Variants in KIAA1217 observed in about 807,000 individuals in gnomAD.
KIAA1217 encodes sickle tail protein homolog.
Under a neutral mutation model 163.9 loss-of-function variants are expected in KIAA1217, and 88 were observed. The ratio of observed to expected loss-of-function variants is 0.54; its 90% CI spans 0.45 to 0.64. The LOEUF is 0.64. Among genes scored for constraint, KIAA1217 ranks in the 30% least tolerant of loss-of-function variants. KIAA1217 has a pLI of 0.00. For synonymous variants in KIAA1217, 903 were observed against 923.1 expected, an observed-to-expected ratio of 0.98 and a Z score of 0.39; for missense variants, 2,372 against 2,475.0, an observed-to-expected ratio of 0.96 and a Z score of 0.88.
chr10:23,871,101 T>A (rs1054167238), intron 1 of KIAA1217, among the ~76,000 whole-genome samples: 3 of 151,928 alleles, frequency 2.0e-5, no homozygotes, highest in African/African-American at 7.2e-5. Flanking sequence ...CTCATAGGAA[T>A]GAATGTGAAA....
At chr10:24,518,353 ATAT>A (rs1408472193) in intron 10 of KIAA1217, among the ~76,000 whole-genome samples, 4 of 142,108 alleles carry the variant, frequency 2.8e-5, no homozygotes, top group Non-Finnish European at 6.2e-5. Flanking sequence ...CATAGAAGTG[ATAT>A]TGTTGTGTAC....
At chr10:23,934,611 A>G (rs1437572252) in intron 1 of KIAA1217, among the ~76,000 whole-genome samples, 1 of 71,148 alleles carries the variant, frequency 1.4e-5, no homozygotes, top group South Asian at 3.5e-4. Context: ...ATATATGTAT[A>G]TATATATATA....
intron 2 of KIAA1217, among the ~76,000 whole-genome samples, chr10:24,258,779 G>A (rs1005094913): frequency 1.3e-5 from 2 of 151,974 alleles, no homozygotes; most frequent in Non-Finnish European, 2.9e-5. Context: ...TTTTTTAGTA[G>A]AGACGGGGTT....
chr10:24,390,787 T>G (rs1433024783), intron 3 of KIAA1217, among the ~76,000 whole-genome samples: 1 of 152,204 alleles, frequency 6.6e-6, no homozygotes, highest in Admixed American at 6.5e-5. Context: ...TTCTTCAGTA[T>G]AGTGAAGCAT....
intron 1 of KIAA1217, among the ~76,000 whole-genome samples, chr10:23,928,858 G>A (rs1843136173): frequency 6.6e-6 from 1 of 152,202 alleles, no homozygotes; most frequent in Non-Finnish European, 1.5e-5. Context: ...CAAGGTGATA[G>A]CCACTCTGTG....
chr10:23,740,399 C>G (rs956253766), intron 1 of KIAA1217, among the ~76,000 whole-genome samples: 1 of 152,126 alleles, frequency 6.6e-6, no homozygotes, highest in Non-Finnish European at 1.5e-5. Flanking sequence ...CACTGTGTTG[C>G]CCAGGCTCGA....
intron 2 of KIAA1217, among the ~76,000 whole-genome samples, chr10:24,231,801 GTT>G (rs1203313894): frequency 2.1e-5 from 3 of 142,072 alleles, no homozygotes; most frequent in African/African-American, 2.6e-5. Context: ...TCACTCTTGG[GTT>G]TTTTTTTTTT....
At chr10:23,854,213 G>A (rs889868110) in intron 1 of KIAA1217, among the ~76,000 whole-genome samples, 2 of 151,982 alleles carry the variant, frequency 1.3e-5, no homozygotes, top group African/African-American at 4.8e-5. Flanking sequence ...GATATGTTGT[G>A]TCTTTGTTCT....
chr10:24,382,107 C>T (rs910119143), intron 3 of KIAA1217, among the ~76,000 whole-genome samples: 1 of 149,552 alleles, frequency 6.7e-6, no homozygotes, highest in Non-Finnish European at 1.5e-5. Context: ...ATGGACAAGT[C>T]GTGAGGATTT....
rs1045110462 is a variant in KIAA1217 at position 24,546,160 on chromosome 10, C to G, written c.5668C>G (p.Pro1890Ala). The change falls in exon 21 of 21, where the codon CCT becomes GCT. Residue 1890 changes from proline (P) to alanine (A), a missense_variant. By Grantham distance (27) the Pro-to-Ala change is conservative. Around this residue, in one of 3 missense-constraint regions of KIAA1217, gnomAD observed 690 missense variants for 677.5 expected, o/e 1.02. Transcript: ENST00000376454. ...GAGTCAAAATGGCCGAGCACCCCCT[C>G]CTTTGTCATTTTCCTCCTCCCCTCC... ...PQSQNGRAPP[P>A]LSFSSSPPSP... 1.2e-6 allele frequency: 2 copies of G among 1,614,192 alleles called. No homozygotes were observed. Among genetic ancestry groups the G allele is most frequent in the Non-Finnish European group, 8.5e-7 (1 of 1,180,034 alleles).
intron 1 of KIAA1217, among the ~76,000 whole-genome samples, chr10:23,858,513 G>A (rs1047108922): frequency 9.2e-5 from 14 of 151,590 alleles, no homozygotes; most frequent in Non-Finnish European, 1.8e-4. Flanking sequence ...CTTTAGAGCA[G>A]TTGTATACAC....
At chr10:24,007,701 G>A (rs954075189) in intron 2 of KIAA1217, among the ~76,000 whole-genome samples, 4 of 152,290 alleles carry the variant, frequency 2.6e-5, no homozygotes, top group Non-Finnish European at 5.9e-5. Context: ...AATGACTAAA[G>A]AATACGAAAA....
At chr10:24,330,099 A>G (rs542310751) in intron 2 of KIAA1217, among the ~76,000 whole-genome samples, 66 of 152,220 alleles carry the variant, frequency 4.3e-4, no homozygotes, top group African/African-American at 1.5e-3. Flanking sequence ...CAGGAGTTGG[A>G]GACCAGCCTG....
intron 2 of KIAA1217, among the ~76,000 whole-genome samples, chr10:24,264,916 A>G (rs1203757881): frequency 6.6e-6 from 1 of 151,492 alleles, no homozygotes; most frequent in African/African-American, 2.4e-5. Context: ...CAATGGCACA[A>G]TCCTAGCTCA....
At chr10:24,209,119 G>A (rs2067746403), upstream of KIAA1217, 1 of 1,372,602 alleles carries the variant, frequency 7.3e-7, no homozygotes, top group Admixed American at 1.7e-5. Flanking sequence ...CCCCTCCCAG[G>A]CGCTTTCTGG....
chr10:24,519,372 C>T (rs937984748), intron 10 of KIAA1217, among the ~76,000 whole-genome samples: 1 of 152,170 alleles, frequency 6.6e-6, no homozygotes, highest in South Asian at 2.1e-4. Flanking sequence ...TCCACAGACA[C>T]CACGTCTGTC....
chr10:24,458,534 GACCTCCAC>G (rs1806728630), intron 5 of KIAA1217, among the ~76,000 whole-genome samples: 1 of 152,090 alleles, frequency 6.6e-6, no homozygotes, highest in Admixed American at 6.6e-5. Context: ...TCAAAGGTCA[GACCTCCAC>G]ACTGATTTCT....
In KIAA1217 at chr10:23,834,950, A is replaced by G. The variant is rs1838379213; in HGVS notation, c.-321+139716A>G. Among the ~76,000 whole-genome samples, 6 of 152,172 alleles carry G rather than the reference A, an allele frequency of 3.9e-5. No individual in the cohort carries two copies. In the South Asian group the frequency reaches 1.2e-3, roughly 32 times the overall value. On this transcript the variant is annotated intron_variant, in intron 1 of 18. Coordinates refer to the KIAA1217 transcript ENST00000376462. ...ACTGTTTTGTAAGTAGTCACTTGAA[A>G]TGACTATCAAATATCCAAGTGGAGA... is the stretch of plus-strand genomic sequence containing the variant.
chr10:24,403,811 C>T (rs1196775017), intron 3 of KIAA1217, among the ~76,000 whole-genome samples: 2 of 152,066 alleles, frequency 1.3e-5, no homozygotes, highest in Admixed American at 6.5e-5. Flanking sequence ...GGTAGCACTA[C>T]CCATGCATCA....
Sources: allele counts gnomAD v4.1 joint callset (sites outside exome capture counted in the v4.1 genomes callset), GRCh38; gene constraint gnomAD v4.1.1; regional missense constraint gnomAD v4.1.1; transcripts MANE v1.5; gene names NCBI Gene and HGNC (gene_info 2026-07-23, HGNC 2026-07-21).